PHC2: variants seen among roughly 807,000 people sequenced by gnomAD.
The protein encoded by PHC2 is polyhomeotic homolog 2.
PHC2 carries 29 observed loss-of-function variants against 87.4 expected under a neutral mutation model. The ratio of observed to expected loss-of-function variants is 0.33; its 90% CI spans 0.25 to 0.45. The LOEUF (loss-of-function observed/expected upper bound fraction) is 0.45, where lower values mean the gene tolerates loss of function less well. PHC2 is among the 20% of genes least tolerant of loss of function. The pLI, the probability that PHC2 is intolerant of heterozygous loss-of-function variation, is 1.00. For missense variants in PHC2, 857 were observed against 1,136.7 expected, an observed-to-expected ratio of 0.75 and a Z score of 3.54; for synonymous variants, 438 against 461.7, an observed-to-expected ratio of 0.95 and a Z score of 0.66.
chr1:33,332,241 G>A lies in PHC2; in HGVS notation c.1891+34C>T, dbSNP rs1330944084. ...GAGGCCTGCCTTTCCAGCCACGCTG[G>A]GAGGCCGAGAGATTCAGGGTCTGAG... On this transcript the variant is annotated intron_variant, in intron 11 of 14. Transcript: ENST00000683057. This position sits in a 1 kb window ranked among gnomAD's most constrained non-coding sequence, Gnocchi z 4.2. 1 of 1,613,432 alleles carries A rather than the reference G, an allele frequency of 6.2e-7. No homozygotes were observed. The highest frequency in any genetic ancestry group is 2.2e-5 in the East Asian group (1 of 44,880).
Position 33,367,056 on chromosome 1 carries a change from C to A in PHC2, c.976+60G>T, listed in dbSNP as rs1200527889. On this transcript the variant is annotated intron_variant, in intron 7 of 14. Coordinates refer to ENST00000683057, the MANE Select transcript of PHC2 (RefSeq NM_001385109.1). ...GGGAAAAAGGAAAGTGTGAAAGTCTCCTCCTGACTCACGGCCCTGAGTTTT... is the reference window on the plus strand; with the variant it reads ...GGGAAAAAGGAAAGTGTGAAAGTCTACTCCTGACTCACGGCCCTGAGTTTT... The A allele has an allele frequency of 6.3e-6, 9 of 1,419,748 alleles. No individual in the cohort carries two copies. The East Asian group carries it at 1.6e-4, about 25-fold the overall frequency. 87.9% of individuals were successfully genotyped at this position (1,419,748 alleles called of 1,614,324 possible).
At position 33,356,598 on chromosome 1, in the gene PHC2, C is replaced by A. The variant is rs372600775; in HGVS notation, c.977-1345G>T. Among the ~76,000 whole-genome samples, 12 of 151,694 alleles carry A rather than the reference C, an allele frequency of 7.9e-5. 1 individual carries two copies. Among genetic ancestry groups the A allele is most frequent in the Admixed American group, 7.2e-4 (11 of 15,236 alleles). ...GACACAGCACATGTTTCAGAGAGCA[C>A]GGGGTTGGGGGTAAGGTTATAGATT... On this transcript the variant is annotated intron_variant, in intron 7 of 14. Transcript: ENST00000683057.
intron 1 of PHC2, among the ~76,000 whole-genome samples, chr1:33,422,369 T>G (rs570907115): frequency 6.6e-6 from 1 of 152,196 alleles, no homozygotes; most frequent in East Asian, 1.9e-4. Context: ...TAAATGTTTG[T>G]TGAATAAATA....
chr1:33,389,072 A>AG (rs112581469), intron 1 of PHC2, among the ~76,000 whole-genome samples: 127 of 145,180 alleles, frequency 8.7e-4, no homozygotes, highest in East Asian at 1.4e-3. Context: ...AAAAAAAAAA[A>AG]AAAGAAAGAA....
chr1:33,417,697 CCT>C (rs1056820986), intron 1 of PHC2, among the ~76,000 whole-genome samples: 1 of 152,034 alleles, frequency 6.6e-6, no homozygotes, highest in Non-Finnish European at 1.5e-5. Context: ...CTTCAATACT[CCT>C]CTCTTAGTAA....
At chr1:33,351,292 C>A (rs1055778795) in intron 9 of PHC2, among the ~76,000 whole-genome samples, 12 of 150,926 alleles carry the variant, frequency 8.0e-5, no homozygotes, top group East Asian at 3.9e-4. Context: ...TTGATTTTTT[C>A]AAAAAAAAAT....
intron 1 of PHC2, among the ~76,000 whole-genome samples, chr1:33,417,002 T>TGGAA (rs891088069): frequency 1.6e-4 from 24 of 151,806 alleles, no homozygotes; most frequent in Middle Eastern, 3.4e-3. Flanking sequence ...AAGGGAAAAA[T>TGGAA]GGAAGTATAT....
In PHC2 at chr1:33,349,871, G is replaced by A; in HGVS notation, c.1558+4530C>T. On this transcript the variant is annotated intron_variant, in intron 9 of 14. Transcript: ENST00000683057. This position sits in a 1 kb window ranked among gnomAD's most constrained non-coding sequence, Gnocchi z 4.2. ...GCGCGCGCGCGCGCGGCGGGCGCTC[G>A]AGGGCTGCAGCCGCCGCGGAGACAA... 1 of 977,850 alleles carries A rather than the reference G, an allele frequency of 1.0e-6. No individual in the cohort carries two copies. The highest frequency in any genetic ancestry group is 1.2e-6 in the Non-Finnish European group (1 of 826,292). 60.6% of individuals were successfully genotyped at this position (977,850 alleles called of 1,614,324 possible). A position where few individuals can be genotyped will look rare whatever the true frequency, so the allele number is the denominator to read the frequency against.
intron 1 of PHC2, among the ~76,000 whole-genome samples, chr1:33,407,680 C>G (rs1649819419): frequency 6.6e-6 from 1 of 152,132 alleles, no homozygotes; most frequent in Non-Finnish European, 1.5e-5. Context: ...AAAAACTCAG[C>G]CTGACTACAC....
Position 33,372,173 on chromosome 1 carries a change from T to G in PHC2, c.333+116A>C, listed in dbSNP as rs143647391. On this transcript the variant is annotated intron_variant, in intron 3 of 14. Transcript: ENST00000683057. ...TAGTGCTCGTGTCACAAGGACTTCT[T>G]TAGGTTGCAGGTAAGAGAAGGATGT... 1.9e-4 allele frequency: 200 copies of G among 1,038,548 alleles called. 1 individual carries two copies. In the East Asian group the frequency reaches 5.2e-3, roughly 27 times the overall value. The allele number at this position is 1,038,548 out of a possible 1,614,324, so 64.3% of individuals were successfully genotyped here.
At chr1:33,337,191 G>C (rs913265725) in intron 9 of PHC2, among the ~76,000 whole-genome samples, 6 of 152,120 alleles carry the variant, frequency 3.9e-5, no homozygotes, top group African/African-American at 1.4e-4. Context: ...TATAGGATTG[G>C]AAAGTCTGGT....
At chr1:33,355,493 ATCCCCAAAGCTCAAC>A (rs1436371067) in intron 7 of PHC2, among the ~76,000 whole-genome samples, 2 of 152,086 alleles carry the variant, frequency 1.3e-5, no homozygotes, top group African/African-American at 4.8e-5. Context: ...GCTGTCCCCC[ATCCCCAAAGCTCAAC>A]TCCTCAAAAC....
chr1:33,417,654 AG>A (rs1382505095), intron 1 of PHC2, among the ~76,000 whole-genome samples: 1 of 152,148 alleles, frequency 6.6e-6, no homozygotes, highest in Non-Finnish European at 1.5e-5. Flanking sequence ...CACTAAAAGG[AG>A]GAAAACACAA....
At chr1:33,372,709 G>A (rs1439003231) in intron 2 of PHC2, among the ~76,000 whole-genome samples, 1 of 152,206 alleles carries the variant, frequency 6.6e-6, no homozygotes, top group Non-Finnish European at 1.5e-5. Flanking sequence ...TGCATCAACT[G>A]CCTCGGTGAG....
At chr1:33,400,641 C>T (rs974772753) in intron 1 of PHC2, among the ~76,000 whole-genome samples, 14 of 152,258 alleles carry the variant, frequency 9.2e-5, no homozygotes, top group South Asian at 2.1e-4. Context: ...AGAAGGATTC[C>T]GGGACAGGCA....
rs369872269 is a variant in PHC2, at chr1:33,426,834, A to G, written c.-55+4142T>C. ...GGTAGTACAGATACCCTCAGGAGGT[A>G]GTACAGATACCTTCAGGCAGAACTG... On this transcript the variant is annotated intron_variant, in intron 1 of 14. Transcript: ENST00000683057. 1.6e-3 allele frequency among the ~76,000 whole-genome samples: 250 copies of G among 152,320 alleles called. 4 individuals carry two copies. Among genetic ancestry groups the G allele is most frequent in the African/African-American group, 5.0e-3 (206 of 41,576 alleles).
intron 1 of PHC2, among the ~76,000 whole-genome samples, chr1:33,393,510 T>G (rs1456327275): frequency 1.3e-5 from 2 of 150,440 alleles, no homozygotes; most frequent in African/African-American, 4.9e-5. Flanking sequence ...GCATTTGATG[T>G]AAATCTTGTC....
intron 14 of PHC2, chr1:33,326,376 A>C (rs915790119): frequency 1.3e-5 from 2 of 156,470 alleles, no homozygotes; most frequent in African/African-American, 4.8e-5. Context: ...TTTTGTGAAG[A>C]CTTCAGAAAG....
intron 6 of PHC2, among the ~76,000 whole-genome samples, chr1:33,367,682 CTGGG>C (rs1288446243): frequency 6.6e-6 from 1 of 152,148 alleles, no homozygotes; most frequent in African/African-American, 2.4e-5. Flanking sequence ...TGCTGCCCAG[CTGGG>C]CGGGCAGGGG....
Sources: gnomAD v4.1 joint callset for allele counts (sites outside exome capture counted in the v4.1 genomes callset) on GRCh38, gnomAD v4.1.1 for gene constraint, Gnocchi (gnomAD v3.1) non-coding constraint, MANE v1.5 for transcripts, NCBI Gene and HGNC (gene_info 2026-07-23, HGNC 2026-07-21) for gene names.